Variants in DOCK11 observed in about 807,000 individuals in gnomAD.
DOCK11 encodes the protein dedicator of cytokinesis protein 11.
In DOCK11, 70 loss-of-function variants were observed where a neutral mutation model predicts 169.1. The observed-to-expected ratio is 0.41, with a 90% CI of 0.34 to 0.51. DOCK11 has a LOEUF of 0.51. Ranked by LOEUF, DOCK11 falls within the 20% of genes least tolerant of loss-of-function variation. The pLI, the probability that DOCK11 is intolerant of heterozygous loss-of-function variation, is 0.10. For synonymous variants in DOCK11, 529 were observed against 541.3 expected, an observed-to-expected ratio of 0.98 and a Z score of 0.32; for missense variants, 1,166 against 1,538.8, an observed-to-expected ratio of 0.76 and a Z score of 4.05.
intron 14 of DOCK11, among the ~76,000 whole-genome samples, chrX:118,584,444 G>A (rs200145515): frequency 1.3e-5 from 1 of 74,729 alleles, no homozygotes; most frequent in Non-Finnish European, 2.5e-5. Flanking sequence ...ACTTTTTCTG[G>A]GTTATTACTA....
intron 24 of DOCK11, among the ~76,000 whole-genome samples, chrX:118,607,470 G>C (rs767152576): frequency 2.4e-5 from 2 of 82,961 alleles, no homozygotes; most frequent in African/African-American, 9.6e-5. Flanking sequence ...TGCCCAGGCT[G>C]GAGTGCAGTG....
rs35910696 is a variant in DOCK11, at chrX:118,507,368, A to ATTT, written c.102+11307_102+11309dup. The stretch of plus-strand genomic sequence containing the variant: ...AGGCTGGGGAATTCATTTGTATAAG[A>ATTT]TTTTTTTTTTTTTTCCGGAGACAGA... On this transcript the variant is annotated intron_variant, in intron 1 of 52. Coordinates refer to ENST00000276202, the MANE Select transcript of DOCK11 (RefSeq NM_144658.4). 5.2e-4 allele frequency among the ~76,000 whole-genome samples: 52 copies of ATTT among 100,943 alleles called. 1 individual carries two copies. Among genetic ancestry groups the ATTT allele is most frequent in the Admixed American group, 1.4e-3 (13 of 9,091 alleles). The allele number at this position is 100,943 out of a possible 115,157, so 87.7% of individuals were successfully genotyped here.
intron 1 of DOCK11, among the ~76,000 whole-genome samples, chrX:118,509,608 G>A (rs1241149814): frequency 8.9e-6 from 1 of 112,453 alleles, no homozygotes; most frequent in Non-Finnish European, 1.9e-5. Context: ...GAGACAAAGT[G>A]CCTGGGATAA....
intron 1 of DOCK11, among the ~76,000 whole-genome samples, chrX:118,508,614 A>G (rs1163771205): frequency 9.0e-6 from 1 of 110,998 alleles, no homozygotes; most frequent in Admixed American, 9.5e-5. Context: ...ATGGAACTGA[A>G]TCGTTATTTC....
chrX:118,628,277 G>C lies in DOCK11; in HGVS notation c.3774+5G>C. The C allele has an allele frequency of 8.7e-7, 1 of 1,144,953 alleles. No homozygotes were observed. Among genetic ancestry groups the C allele is most frequent in the South Asian group, 1.9e-5 (1 of 53,571 alleles). 94.4% of individuals were successfully genotyped at this position (1,144,953 alleles called of 1,213,427 possible). A position where few individuals can be genotyped will look rare whatever the true frequency, so the allele number is the denominator to read the frequency against. On this transcript the variant is annotated splice_donor_5th_base_variant and intron_variant, in intron 34 of 52. Transcript: ENST00000276202. ...CAGGGCAACACTGGTGAAAATGTAA[G>C]AACTTAAATATATAGGATGACCCTA...
At position 118,627,611 on chromosome X, in the gene DOCK11, G is replaced by A. The variant is rs781364881; in HGVS notation, c.3664+32G>A. ...AAACCTTTTGGAGATGATACATTGC[G>A]TGGGTGTTTAGACATGTACCCTCTA... On this transcript the variant is annotated intron_variant, in intron 33 of 52. Coordinates refer to ENST00000276202, the MANE Select transcript of DOCK11 (RefSeq NM_144658.4). The A allele has an allele frequency of 2.8e-5, 30 of 1,066,647 alleles. No individual in the cohort carries two copies. In the East Asian group the frequency reaches 7.0e-4, roughly 25 times the overall value. The allele number at this position is 1,066,647 out of a possible 1,213,427, so 87.9% of individuals were successfully genotyped here. A position where few individuals can be genotyped will look rare whatever the true frequency, so the allele number is the denominator to read the frequency against.
intron 1 of DOCK11, among the ~76,000 whole-genome samples, chrX:118,539,164 G>A (rs62609950): frequency 0.031 from 3,502 of 111,780 alleles, 63 homozygotes; most frequent in Non-Finnish European, 0.048. Context: ...GACCCAGAAT[G>A]CTTAGTTTAA....
intron 45 of DOCK11, among the ~76,000 whole-genome samples, chrX:118,668,084 T>C (rs2016380219): frequency 1.8e-5 from 2 of 112,095 alleles, no homozygotes; most frequent in Admixed American, 9.5e-5. Flanking sequence ...AATTTTACTT[T>C]TTCTAATCCT....
intron 10 of DOCK11, among the ~76,000 whole-genome samples, chrX:118,570,242 A>T (rs2013230401): frequency 8.9e-6 from 1 of 112,033 alleles, no homozygotes; most frequent in South Asian, 3.7e-4. Flanking sequence ...ATTAAAGGGG[A>T]TGGCTCAAAC....
chrX:118,512,125 C>G (rs2057654512), intron 1 of DOCK11, among the ~76,000 whole-genome samples: 1 of 111,780 alleles, frequency 8.9e-6, no homozygotes, highest in Non-Finnish European at 1.9e-5. Flanking sequence ...TGGTCGCGAA[C>G]TCCTGAGCTC....
At chrX:118,542,175 C>CT (rs35885757) in intron 1 of DOCK11, among the ~76,000 whole-genome samples, 3,858 of 100,444 alleles carry the variant, frequency 0.038, 176 homozygotes, top group African/African-American at 0.11. Flanking sequence ...TTCTCCAGAA[C>CT]TTTTTTTTTT....
Position 118,610,032 on chromosome X carries a change from G to A in DOCK11, c.2950-240G>A, listed in dbSNP as rs755257368. Among the ~76,000 whole-genome samples, 9 of 111,988 alleles carry A rather than the reference G, an allele frequency of 8.0e-5. No homozygotes were observed. The East Asian group carries it at 2.5e-3, about 31-fold the overall frequency. Reference sequence around the variant, plus strand: ...AGAAGCATGATATTCCAAAGTTGGGGCAGAACAACCCATTCTTGCTGATAA... The same window carrying A: ...AGAAGCATGATATTCCAAAGTTGGGACAGAACAACCCATTCTTGCTGATAA... On this transcript the variant is annotated intron_variant, in intron 27 of 52. Coordinates refer to ENST00000276202, the MANE Select transcript of DOCK11 (RefSeq NM_144658.4).
intron 1 of DOCK11, among the ~76,000 whole-genome samples, chrX:118,539,857 C>G (rs1310649910): frequency 2.8e-5 from 3 of 108,382 alleles, no homozygotes; most frequent in African/African-American, 1.0e-4. Context: ...TCGAGACCAG[C>G]CTGGCCAACA....
chrX:118,652,102 A>G (rs764099343), intron 42 of DOCK11, 25 bp downstream of exon 42: 4 of 998,692 alleles, frequency 4.0e-6, no homozygotes, highest in South Asian at 4.2e-5. Context: ...CAGATAATAA[A>G]TTAGAACCAC....
intron 36 of DOCK11, among the ~76,000 whole-genome samples, chrX:118,637,107 C>T (rs181171929): frequency 5.4e-5 from 6 of 111,796 alleles, no homozygotes; most frequent in East Asian, 2.8e-4. Context: ...CAAACTTTTA[C>T]GGAAAATGTC....
chrX:118,597,112 G>C (rs145472413), intron 20 of DOCK11, among the ~76,000 whole-genome samples: 1,131 of 112,106 alleles, frequency 0.01, 6 homozygotes, highest in South Asian at 0.055. Flanking sequence ...GTATCGATGC[G>C]CTTTTAAAGG....
rs777453437 is a variant in DOCK11 at position 118,528,033 on chromosome X, A to T, written c.103-14692A>T. 8.0e-5 allele frequency among the ~76,000 whole-genome samples: 9 copies of T among 112,895 alleles called. No homozygotes were observed. In the South Asian group the frequency reaches 1.8e-3, roughly 23 times the overall value. On this transcript the variant is annotated intron_variant, in intron 1 of 52. Transcript: ENST00000276202. Reference sequence around the variant, plus strand: ...ATGTTGTTGGCATCATTGTGGAGGCATCTGATTCAGGGCACAGCCCTGACA... The same window carrying T: ...ATGTTGTTGGCATCATTGTGGAGGCTTCTGATTCAGGGCACAGCCCTGACA...
At chrX:118,625,823 G>A (rs1213692756) in intron 32 of DOCK11, among the ~76,000 whole-genome samples, 2 of 111,091 alleles carry the variant, frequency 1.8e-5, no homozygotes, top group East Asian at 5.7e-4. Flanking sequence ...AGAATTAGAA[G>A]GAACTTTGGA....
chrX:118,510,752 A>T (rs1450226626), intron 1 of DOCK11, among the ~76,000 whole-genome samples: 1 of 111,978 alleles, frequency 8.9e-6, no homozygotes, highest in East Asian at 2.8e-4. Context: ...CTGAAGGTCA[A>T]GTTAGACTGG....
Sources: gnomAD v4.1 joint callset for allele counts (sites outside exome capture counted in the v4.1 genomes callset) on GRCh38, gnomAD v4.1.1 for gene constraint, MANE v1.5 for transcripts, NCBI Gene and HGNC (gene_info 2026-07-23, HGNC 2026-07-21) for gene names.